The following FSHR variants were observed in gnomAD, a reference collection of about 807,000 sequenced individuals.
FSHR encodes follicle-stimulating hormone receptor.
In FSHR, 46 loss-of-function variants were observed where a neutral mutation model predicts 52.1. The observed-to-expected ratio is 0.88, with a 90% CI of 0.70 to 1.13. The LOEUF is 1.13. FSHR is among the 50% of genes most tolerant of loss of function. FSHR has a pLI of 0.00. For synonymous variants in FSHR, 399 were observed against 309.6 expected, an observed-to-expected ratio of 1.29 and a Z score of -3.03; for missense variants, 964 against 834.6, an observed-to-expected ratio of 1.16 and a Z score of -1.91.
intron 1 of FSHR, among the ~76,000 whole-genome samples, chr2:49,098,614 A>G (rs1291554609): frequency 1.3e-5 from 2 of 151,618 alleles, no homozygotes; most frequent in Non-Finnish European, 2.9e-5. Context: ...TGATCTTGCT[A>G]CTTGAATGGA....
At chr2:49,148,152 T>A (rs974551721) in intron 1 of FSHR, among the ~76,000 whole-genome samples, 2 of 152,032 alleles carry the variant, frequency 1.3e-5, no homozygotes, top group African/African-American at 4.8e-5. Flanking sequence ...TCGATATTTT[T>A]GTTAGGTATA....
chr2:49,112,804 T>C (rs1671467707), intron 1 of FSHR, among the ~76,000 whole-genome samples: 2 of 152,206 alleles, frequency 1.3e-5, no homozygotes, highest in African/African-American at 4.8e-5. Context: ...ATTAAGTTTT[T>C]AAGTTGCACC....
intron 1 of FSHR, among the ~76,000 whole-genome samples, chr2:49,068,935 C>T (rs1669619193): frequency 6.6e-6 from 1 of 152,062 alleles, no homozygotes; most frequent in Non-Finnish European, 1.5e-5. Flanking sequence ...TCACCTTTTT[C>T]CCCTTCTTTC....
In FSHR at chr2:49,095,139, T is replaced by A. The variant is rs192517367; in HGVS notation, c.153-26849A>T. Among the ~76,000 whole-genome samples, 936 of 152,188 alleles carry A rather than the reference T, an allele frequency of 6.2e-3. 2 individuals are homozygous for A. The highest frequency in any genetic ancestry group is 1.0e-2 in the Non-Finnish European group (677 of 67,972). ...AGAAATTGAGAAGTTGATTCTAAAA[T>A]TTACAAAAATATGCAAGAAACCCAT... On this transcript the variant is annotated intron_variant, in intron 1 of 9. Coordinates refer to ENST00000406846, the MANE Select transcript of FSHR (RefSeq NM_000145.4).
intron 1 of FSHR, among the ~76,000 whole-genome samples, chr2:49,081,924 G>A (rs926631360): frequency 1.3e-5 from 2 of 152,178 alleles, no homozygotes; most frequent in South Asian, 2.1e-4. Flanking sequence ...TATTCTTTTT[G>A]AGAAAGCTGC....
chr2:49,058,729 T>C (rs1041596936), intron 2 of FSHR, among the ~76,000 whole-genome samples: 1 of 151,352 alleles, frequency 6.6e-6, no homozygotes, highest in Non-Finnish European at 1.5e-5. Context: ...CAAAACCCTA[T>C]GAATAAATTT....
chr2:49,078,558 A>G (rs998192316), intron 1 of FSHR, among the ~76,000 whole-genome samples: 20 of 152,328 alleles, frequency 1.3e-4, no homozygotes, highest in African/African-American at 4.8e-4. Context: ...TGAATGTGTC[A>G]CAGAATTCAA....
intron 6 of FSHR, among the ~76,000 whole-genome samples, chr2:48,987,970 G>C (rs1053755670): frequency 6.6e-6 from 1 of 151,610 alleles, no homozygotes; most frequent in African/African-American, 2.4e-5. Flanking sequence ...ACATTCCTTT[G>C]ATTTAATTTT....
chr2:49,121,833 G>A (rs1278232376), intron 1 of FSHR, among the ~76,000 whole-genome samples: 1 of 151,948 alleles, frequency 6.6e-6, no homozygotes, highest in Non-Finnish European at 1.5e-5. Flanking sequence ...CCATAAGGTA[G>A]TGTTTCTTCT....
intron 4 of FSHR, among the ~76,000 whole-genome samples, chr2:49,008,291 C>T (rs1667143719): frequency 1.5e-5 from 2 of 135,376 alleles, no homozygotes; most frequent in Admixed American, 1.6e-4. Flanking sequence ...GTTTTTTGTT[C>T]TTGCGATAGT....
chr2:49,091,507 G>A (rs1028819537), intron 1 of FSHR, among the ~76,000 whole-genome samples: 4 of 152,094 alleles, frequency 2.6e-5, no homozygotes, highest in African/African-American at 4.8e-5. Context: ...ATGTTGCCCA[G>A]TCTGGTCTTC....
At chr2:49,058,228 G>T (rs930317505) in intron 2 of FSHR, among the ~76,000 whole-genome samples, 1 of 152,180 alleles carries the variant, frequency 6.6e-6, no homozygotes, top group African/African-American at 2.4e-5. Flanking sequence ...AAGTCAAATT[G>T]TCCCTGTTTT....
At position 48,964,892 on chromosome 2, in the gene FSHR, T is replaced by C. The variant is rs148254471; in HGVS notation, c.855-926A>G. Among the ~76,000 whole-genome samples the C allele has an allele frequency of 9.9e-4, 151 of 152,048 alleles. 1 individual carries two copies. The highest frequency in any genetic ancestry group is 3.3e-3 in the African/African-American group (136 of 41,468). ...ATAAATATTCTACCCCAGAGTAGTA[T>C]ATCAATACTCTGGATGTAGAAACAA... On this transcript the variant is annotated intron_variant, in intron 9 of 9. Coordinates refer to ENST00000406846, the MANE Select transcript of FSHR (RefSeq NM_000145.4).
At chr2:49,006,053 T>C (rs1808310) in intron 4 of FSHR, among the ~76,000 whole-genome samples, 121,559 of 152,072 alleles carry the variant, frequency 0.8, 48,784 homozygotes, top group African/African-American at 0.85. Flanking sequence ...ATACTTCCTG[T>C]CCTTGAACAT....
intron 1 of FSHR, among the ~76,000 whole-genome samples, chr2:49,134,831 C>T (rs992792900): frequency 4.6e-5 from 7 of 151,998 alleles, no homozygotes; most frequent in South Asian, 4.2e-4. Context: ...AACCAAACAC[C>T]GCATATTCTC....
chr2:48,967,260 T>C (rs1674519099), intron 9 of FSHR, among the ~76,000 whole-genome samples: 1 of 152,054 alleles, frequency 6.6e-6, no homozygotes, highest in Non-Finnish European at 1.5e-5. Flanking sequence ...CACACATGGC[T>C]AATTTTGTTC....
At chr2:49,055,388 T>C (rs371576141) in intron 2 of FSHR, among the ~76,000 whole-genome samples, 1 of 150,926 alleles carries the variant, frequency 6.6e-6, no homozygotes, top group Non-Finnish European at 1.5e-5. Flanking sequence ...TTATGAGGCA[T>C]AGTTAACCAA....
chr2:49,042,754 C>A (rs1668520694), intron 2 of FSHR, among the ~76,000 whole-genome samples: 1 of 152,076 alleles, frequency 6.6e-6, no homozygotes, highest in Admixed American at 6.6e-5. Context: ...ACTCTAGGGA[C>A]AGGAGGAGGT....
intron 1 of FSHR, among the ~76,000 whole-genome samples, chr2:49,153,716 C>T (rs948277884): frequency 6.6e-6 from 1 of 151,922 alleles, no homozygotes; most frequent in African/African-American, 2.4e-5. Context: ...TGTGTCTTTC[C>T]TATCTTTCTT....
Sources: gnomAD v4.1 joint callset for allele counts (sites outside exome capture counted in the v4.1 genomes callset) on GRCh38, gnomAD v4.1.1 for gene constraint, MANE v1.5 for transcripts, NCBI Gene and HGNC (gene_info 2026-07-23, HGNC 2026-07-21) for gene names.